The following ZDHHC20 variants were observed in gnomAD, a reference collection of about 807,000 sequenced individuals.
The protein encoded by ZDHHC20 is zDHHC palmitoyltransferase 20.
In ZDHHC20, 43 loss-of-function variants were observed where a neutral mutation model predicts 57.8. The ratio of observed to expected loss-of-function variants is 0.74; its 90% CI spans 0.58 to 0.96. The LOEUF (loss-of-function observed/expected upper bound fraction) is 0.96. Ranked by LOEUF, ZDHHC20 falls within the 40% of genes least tolerant of loss-of-function variation. The pLI, the probability that ZDHHC20 is intolerant of heterozygous loss-of-function variation, is 0.00. For missense variants in ZDHHC20, 391 were observed against 441.1 expected (o/e 0.89, Z 1.02); for synonymous variants, 157 against 153.0 (o/e 1.03, Z -0.19).
intron 9 of ZDHHC20, among the ~76,000 whole-genome samples, chr13:21,383,544 T>C (rs969721607): frequency 1.3e-5 from 2 of 152,200 alleles, no homozygotes; most frequent in Non-Finnish European, 2.9e-5. Flanking sequence ...TAAGCCCTTT[T>C]CTTTTATAAT....
chr13:21,414,406 G>A (rs1393316147), intron 3 of ZDHHC20, among the ~76,000 whole-genome samples: 1 of 151,190 alleles, frequency 6.6e-6, no homozygotes, highest in Non-Finnish European at 1.5e-5. Context: ...TGTCGCCCAG[G>A]CTAGAGTGCA....
Position 21,440,560 on chromosome 13 carries a change from G to A in ZDHHC20, c.119-14882C>T, listed in dbSNP as rs761910980. ...CGGGAGGCTGAGGTTGCAGTGAGCC[G>A]AGATCATGCCATTGCACTCCAGCCT... is the stretch of plus-strand genomic sequence containing the variant. On this transcript the variant is annotated intron_variant, in intron 1 of 12. Transcript: ENST00000400590. Among the ~76,000 whole-genome samples, 166 of 151,796 alleles carry A rather than the reference G, an allele frequency of 1.1e-3. 3 individuals are homozygous for A. The highest frequency in any genetic ancestry group is 7.2e-4 in the Admixed American group (11 of 15,250).
intron 5 of ZDHHC20, 50 bp downstream of exon 5, chr13:21,402,747 T>C: frequency 2.1e-6 from 3 of 1,456,932 alleles, no homozygotes; most frequent in East Asian, 2.4e-5. Flanking sequence ...CACTTTCCCA[T>C]CACTGATTTC....
intron 3 of ZDHHC20, among the ~76,000 whole-genome samples, chr13:21,418,208 AGAT>A (rs1275176130): frequency 6.6e-6 from 1 of 152,220 alleles, no homozygotes; most frequent in African/African-American, 2.4e-5. Context: ...TTACAATACC[AGAT>A]GATAAGTTCT....
intron 1 of ZDHHC20, among the ~76,000 whole-genome samples, chr13:21,449,271 T>C (rs1035365283): frequency 1.3e-5 from 2 of 152,234 alleles, no homozygotes; most frequent in Non-Finnish European, 2.9e-5. Context: ...TGTTCATTAT[T>C]TCCTGCAATT....
In ZDHHC20 at chr13:21,391,815, A is replaced by C; in HGVS notation, c.634T>G (p.Phe212Val). Residue 212 changes from phenylalanine to valine, a missense_variant, in exon 8 of 13, where the codon TTT becomes GTT. Phe to Val is a conservative substitution (Grantham distance 50, BLOSUM62 -1). This residue lies in a region of ZDHHC20 where 197 missense variants were observed against 220.8 expected (regional missense o/e 0.89). Coordinates refer to ENST00000400590, the MANE Select transcript of ZDHHC20 (RefSeq NM_001330059.2). ...AACATTGCAGACACAAAGAAAAGAA[A>C]AAGTACGTGGAATTTTGCACGTGTA... ...TDTRAKFHVL[F>V]LFFVSAMFFI... 6.2e-7 allele frequency: 1 copy of C among 1,613,376 alleles called. No individual in the cohort carries two copies. Among genetic ancestry groups the C allele is most frequent in the South Asian group, 1.1e-5 (1 of 90,810 alleles).
intron 7 of ZDHHC20, among the ~76,000 whole-genome samples, chr13:21,396,741 G>A (rs1191199727): frequency 5.3e-5 from 8 of 151,780 alleles, no homozygotes; most frequent in Non-Finnish European, 1.0e-4. Context: ...GCGAAGGCAG[G>A]AAAATCACTT....
chr13:21,449,647 CTT>C (rs113924240), intron 1 of ZDHHC20, among the ~76,000 whole-genome samples: 19 of 144,166 alleles, frequency 1.3e-4, no homozygotes, highest in Admixed American at 2.1e-4. Context: ...TATTATTATA[CTT>C]TTTTTTTTTT....
chr13:21,407,932 T>A (rs934050037), intron 4 of ZDHHC20, among the ~76,000 whole-genome samples: 1 of 152,178 alleles, frequency 6.6e-6, no homozygotes, highest in Non-Finnish European at 1.5e-5. Flanking sequence ...TGGTTGTAGA[T>A]GTGTGGTGTT....
chr13:21,380,156 C>T (rs1025986280), intron 11 of ZDHHC20, among the ~76,000 whole-genome samples: 6 of 149,802 alleles, frequency 4.0e-5, no homozygotes, highest in Non-Finnish European at 7.4e-5. Context: ...CACTCTGTCA[C>T]CCAGGCTGGA....
rs1872011646 is a variant in ZDHHC20 at position 21,375,976 on chromosome 13, A to C, written c.*720T>G. ...GCAGAGAGAACCCAAAATATTTCTT[A>C]TACTGCCAAGTTCCCTTTAAACCTT... On this transcript the variant is annotated 3_prime_UTR_variant, in exon 13 of 13. Coordinates refer to ENST00000400590, the MANE Select transcript of ZDHHC20 (RefSeq NM_001330059.2). 6.6e-6 allele frequency: 1 copy of C among 152,174 alleles called. No homozygotes were observed. Among genetic ancestry groups the C allele is most frequent in the Non-Finnish European group, 1.5e-5 (1 of 68,018 alleles). 9.4% of individuals were successfully genotyped at this position (152,174 alleles called of 1,614,324 possible).
chr13:21,414,073 A>C (rs1879594445), intron 3 of ZDHHC20, among the ~76,000 whole-genome samples: 1 of 152,150 alleles, frequency 6.6e-6, no homozygotes, highest in Non-Finnish European at 1.5e-5. Context: ...TATAGTCTCC[A>C]TTAGTAAAAA....
chr13:21,451,273 A>C (rs1207963701), intron 1 of ZDHHC20, among the ~76,000 whole-genome samples: 2 of 152,222 alleles, frequency 1.3e-5, no homozygotes, highest in African/African-American at 4.8e-5. Flanking sequence ...TTTTGTAACT[A>C]TAATTAGTAT....
intron 1 of ZDHHC20, 92 bp downstream of exon 1, chr13:21,458,962 T>C: frequency 1.0e-6 from 1 of 962,676 alleles, no homozygotes; most frequent in Non-Finnish European, 1.4e-6. Flanking sequence ...CGGCGCTGGC[T>C]CCAGAAAGGC....
At chr13:21,387,703 C>T in intron 8 of ZDHHC20, 69 bp from the exon 9 acceptor site, 2 of 1,009,064 alleles carry the variant, frequency 2.0e-6, no homozygotes, top group Non-Finnish European at 2.6e-6. Context: ...TGGAAATTAC[C>T]AATTTTCTTG....
intron 1 of ZDHHC20, among the ~76,000 whole-genome samples, chr13:21,443,662 T>G (rs193139638): frequency 1.6e-4 from 24 of 152,350 alleles, no homozygotes; most frequent in Non-Finnish European, 7.3e-5. Context: ...GCATCTCCTT[T>G]GTAGAGTTAT....
At chr13:21,394,215 C>T (rs760576753) in intron 7 of ZDHHC20, among the ~76,000 whole-genome samples, 1 of 152,168 alleles carries the variant, frequency 6.6e-6, no homozygotes, top group Non-Finnish European at 1.5e-5. Flanking sequence ...CTCATTCTAC[C>T]CCAGCCACAG....
chr13:21,451,344 G>A (rs1399462506), intron 1 of ZDHHC20, among the ~76,000 whole-genome samples: 3 of 152,122 alleles, frequency 2.0e-5, no homozygotes, highest in African/African-American at 7.2e-5. Context: ...GTTTACAAGA[G>A]TATGATTCAA....
At chr13:21,397,870 A>C (rs1877048412) in intron 7 of ZDHHC20, among the ~76,000 whole-genome samples, 2 of 152,224 alleles carry the variant, frequency 1.3e-5, no homozygotes, top group South Asian at 4.2e-4. Flanking sequence ...TGTACTTAAG[A>C]AAGGAGAGAA....
Sources: gnomAD v4.1 joint callset for allele counts (sites outside exome capture counted in the v4.1 genomes callset) on GRCh38, gnomAD v4.1.1 for gene constraint, gnomAD v4.1.1 regional missense constraint, MANE v1.5 for transcripts, NCBI Gene and HGNC (gene_info 2026-07-23, HGNC 2026-07-21) for gene names.